CAB39L: variants seen among roughly 807,000 people sequenced by gnomAD.
The protein encoded by CAB39L is calcium binding protein 39 like.
A neutral mutation model predicts 39.1 loss-of-function variants in CAB39L; 23 were observed. The ratio of observed to expected loss-of-function variants is 0.59; its 90% confidence interval spans 0.42 to 0.83. The LOEUF (loss-of-function observed/expected upper bound fraction) is 0.83, where lower values mean the gene tolerates loss of function less well. Ranked by LOEUF, CAB39L falls within the 40% of genes least tolerant of loss-of-function variation. CAB39L has a pLI of 0.00. For missense variants in CAB39L, 366 were observed against 391.9 expected (o/e 0.93, Z 0.56); for synonymous variants, 126 against 137.2 (o/e 0.92, Z 0.57).
intron 7 of CAB39L, among the ~76,000 whole-genome samples, chr13:49,346,120 T>TATATATATATATATATATA (rs10663110): frequency 3.4e-5 from 3 of 88,472 alleles, no homozygotes; most frequent in South Asian, 3.7e-4. Context: ...TATATATATA[T>TATATATATATATATATATA]ATATCATGGA....
At chr13:49,388,622 C>T (rs969403406) in intron 3 of CAB39L, among the ~76,000 whole-genome samples, 2 of 151,928 alleles carry the variant, frequency 1.3e-5, no homozygotes, top group African/African-American at 2.4e-5. Context: ...GGAATGAGGC[C>T]CACAAAGAGC....
intron 8 of CAB39L, among the ~76,000 whole-genome samples, chr13:49,341,047 T>C (rs952592847): frequency 6.6e-6 from 1 of 152,228 alleles, no homozygotes; most frequent in African/African-American, 2.4e-5. Flanking sequence ...CACATTTACC[T>C]CATTCATTCT....
At chr13:49,424,251 A>T (rs577377884) in intron 3 of CAB39L, among the ~76,000 whole-genome samples, 24 of 152,368 alleles carry the variant, frequency 1.6e-4, no homozygotes, top group Non-Finnish European at 2.8e-4. Flanking sequence ...ATCAACAGTG[A>T]TAAGTCACAT....
intron 6 of CAB39L, among the ~76,000 whole-genome samples, chr13:49,357,361 A>C (rs1376243122): frequency 6.6e-6 from 1 of 152,236 alleles, no homozygotes; most frequent in Non-Finnish European, 1.5e-5. Context: ...TAAACAACAT[A>C]ACATAAGTAA....
At chr13:49,421,650 C>T (rs531572331) in intron 3 of CAB39L, among the ~76,000 whole-genome samples, 1 of 152,182 alleles carries the variant, frequency 6.6e-6, no homozygotes, top group African/African-American at 2.4e-5. Context: ...AGTGGAGGTC[C>T]ATCAGAGAGC....
chr13:49,324,479 A>C (rs184408952), intron 10 of CAB39L, among the ~76,000 whole-genome samples: 6 of 152,330 alleles, frequency 3.9e-5, no homozygotes, highest in Admixed American at 1.3e-4. Context: ...TCAGAGGAAA[A>C]TTCCTGCTCG....
intron 5 of CAB39L, among the ~76,000 whole-genome samples, chr13:49,369,589 G>A (rs1486550288): frequency 1.6e-5 from 2 of 125,086 alleles, no homozygotes; most frequent in Non-Finnish European, 3.6e-5. Flanking sequence ...AGGCAAAGGA[G>A]ATTTTTTTTT....
At chr13:49,369,190 C>T (rs561420096) in intron 5 of CAB39L, among the ~76,000 whole-genome samples, 7 of 152,264 alleles carry the variant, frequency 4.6e-5, no homozygotes, top group African/African-American at 1.4e-4. Context: ...TGACATTCCC[C>T]AACAGCCCTA....
At chr13:49,356,069 A>T (rs1277821420) in intron 6 of CAB39L, among the ~76,000 whole-genome samples, 2 of 152,176 alleles carry the variant, frequency 1.3e-5, no homozygotes, top group African/African-American at 4.8e-5. Context: ...AAATGACGGA[A>T]TCAGGCAATG....
intron 10 of CAB39L, among the ~76,000 whole-genome samples, chr13:49,323,303 C>T (rs1954405979): frequency 6.6e-6 from 1 of 152,196 alleles, no homozygotes. Flanking sequence ...CTATCACTTG[C>T]TCACCCTGGA....
At chr13:49,390,970 C>A (rs1956476891) in intron 3 of CAB39L, among the ~76,000 whole-genome samples, 1 of 152,038 alleles carries the variant, frequency 6.6e-6, no homozygotes, top group Non-Finnish European at 1.5e-5. Context: ...AAAAAGGAAG[C>A]AAAATTCCTA....
intron 6 of CAB39L, among the ~76,000 whole-genome samples, chr13:49,352,484 C>G (rs947767677): frequency 6.6e-6 from 1 of 151,806 alleles, no homozygotes; most frequent in Non-Finnish European, 1.5e-5. Flanking sequence ...TGGGGCGTGA[C>G]TGCTCACTCC....
At chr13:49,443,057 CAA>C (rs1200473091) in intron 1 of CAB39L, among the ~76,000 whole-genome samples, 1 of 88,122 alleles carries the variant, frequency 1.1e-5, no homozygotes, top group African/African-American at 4.5e-5. Flanking sequence ...AAATGAAAGA[CAA>C]TGCAATGCCA....
intron 9 of CAB39L, among the ~76,000 whole-genome samples, chr13:49,338,958 G>A (rs1171387559): frequency 2.0e-5 from 3 of 151,928 alleles, no homozygotes; most frequent in African/African-American, 7.3e-5. Flanking sequence ...TTACAAATCT[G>A]GGAGATAAAT....
intron 10 of CAB39L, among the ~76,000 whole-genome samples, chr13:49,328,938 T>TA (rs537550769): frequency 4.3e-4 from 65 of 152,132 alleles, no homozygotes; most frequent in Middle Eastern, 3.4e-3. Context: ...TTCTAAAAGT[T>TA]AAAAAAAATT....
At chr13:49,363,916 A>G (rs1384998245) in intron 5 of CAB39L, among the ~76,000 whole-genome samples, 1 of 152,092 alleles carries the variant, frequency 6.6e-6, no homozygotes, top group Non-Finnish European at 1.5e-5. Context: ...TGCCTACAAG[A>G]AACACATCTC....
In CAB39L at chr13:49,444,051, C is replaced by T. The variant is rs1434759275; in HGVS notation, c.-311G>A. The T allele has an allele frequency of 2.2e-6, 1 of 454,976 alleles. No homozygotes were observed. Among genetic ancestry groups the T allele is most frequent in the African/African-American group, 2.0e-5 (1 of 50,080 alleles). The allele number at this position is 454,976 out of a possible 1,614,324, so 28.2% of individuals were successfully genotyped here. A position where few individuals can be genotyped will look rare whatever the true frequency, so the allele number is the denominator to read the frequency against. ...TCTCGACTACGAGTAACTCCATTGG[C>T]TCAGCTACAGTGCGCGAGACAAGCC... On this transcript the variant is annotated 5_prime_UTR_variant, in exon 1 of 11. Coordinates refer to ENST00000409308, the MANE Select transcript of CAB39L (RefSeq NM_001079670.3).
intron 3 of CAB39L, among the ~76,000 whole-genome samples, chr13:49,405,500 C>T (rs1956851704): frequency 6.6e-6 from 1 of 151,648 alleles, no homozygotes; most frequent in African/African-American, 2.4e-5. Flanking sequence ...CTGGGCCAGG[C>T]ACGGTAGCTC....
At chr13:49,401,135 A>G (rs1369699144) in intron 3 of CAB39L, 1 of 152,162 alleles carries the variant, frequency 6.6e-6, no homozygotes, top group Non-Finnish European at 1.5e-5. Context: ...ATACTCACCA[A>G]ATGTTACAGA....
Sources: allele counts gnomAD v4.1 joint callset (sites outside exome capture counted in the v4.1 genomes callset), GRCh38; gene constraint gnomAD v4.1.1; transcripts MANE v1.5; gene names NCBI Gene and HGNC (gene_info 2026-07-23, HGNC 2026-07-21).